Variants in TAOK1 observed in about 807,000 individuals in gnomAD.
TAOK1 encodes the protein TAO kinase 1, also known as serine/threonine-protein kinase TAO1.
TAOK1 carries 21 observed loss-of-function variants against 138.3 expected under a neutral mutation model. The observed-to-expected ratio is 0.15, with a 90% CI of 0.11 to 0.22. TAOK1 has a LOEUF of 0.22. TAOK1 is among the 10% of genes least tolerant of loss of function. TAOK1 has a pLI of 1.00. For synonymous variants in TAOK1, 361 were observed against 398.4 expected (o/e 0.91, Z 1.12); for missense variants, 651 against 1,227.7 (o/e 0.53, Z 7.02).
intron 18 of TAOK1, among the ~76,000 whole-genome samples, chr17:29,533,490 G>C (rs907816580): frequency 6.6e-6 from 1 of 151,918 alleles, no homozygotes; most frequent in African/African-American, 2.4e-5. Context: ...CAAGGCAGGC[G>C]GCTGGGAGGT....
intron 12 of TAOK1, among the ~76,000 whole-genome samples, chr17:29,499,718 C>T (rs1333526256): frequency 6.6e-6 from 1 of 151,746 alleles, no homozygotes; most frequent in Non-Finnish European, 1.5e-5. Context: ...CACCACTATG[C>T]CCAGCTAATT....
At chr17:29,496,270 T>A (rs1289248143) in intron 11 of TAOK1, among the ~76,000 whole-genome samples, 2 of 151,714 alleles carry the variant, frequency 1.3e-5, no homozygotes, top group East Asian at 3.9e-4. Context: ...CTGACTAATT[T>A]TTATTTTATT....
intron 16 of TAOK1, among the ~76,000 whole-genome samples, chr17:29,518,995 A>T (rs2031869398): frequency 1.3e-5 from 2 of 151,848 alleles, no homozygotes; most frequent in South Asian, 4.2e-4. Flanking sequence ...TCCAATTCCC[A>T]ACCTCAGGTG....
chr17:29,438,100 A>T (rs1906096132), intron 1 of TAOK1, among the ~76,000 whole-genome samples: 1 of 152,204 alleles, frequency 6.6e-6, no homozygotes, highest in African/African-American at 2.4e-5. Flanking sequence ...CCATAGGTAT[A>T]AGGGGATGGT....
chr17:29,469,105 G>A (rs767568561), intron 3 of TAOK1, among the ~76,000 whole-genome samples: 2 of 151,906 alleles, frequency 1.3e-5, no homozygotes, highest in Non-Finnish European at 2.9e-5. Context: ...AATTCTGCCT[G>A]GCACTGTGGT....
At chr17:29,407,456 A>G (rs998944004) in intron 1 of TAOK1, among the ~76,000 whole-genome samples, 9 of 151,402 alleles carry the variant, frequency 5.9e-5, no homozygotes, top group African/African-American at 2.2e-4. Context: ...TTATTTTTAT[A>G]TTTTTTTGAG....
At chr17:29,441,173 A>G (rs941676438) in intron 1 of TAOK1, among the ~76,000 whole-genome samples, 2 of 152,134 alleles carry the variant, frequency 1.3e-5, no homozygotes, top group Non-Finnish European at 2.9e-5. Flanking sequence ...TGGCTTTGGT[A>G]TCAAGGCACT....
chr17:29,496,746 C>G (rs1296846501), intron 11 of TAOK1, among the ~76,000 whole-genome samples: 1 of 148,836 alleles, frequency 6.7e-6, no homozygotes, highest in Non-Finnish European at 1.5e-5. Context: ...CCACCACGCC[C>G]AACTAATTTT....
intron 17 of TAOK1, among the ~76,000 whole-genome samples, chr17:29,525,106 G>A (rs1049786495): frequency 6.8e-6 from 1 of 147,594 alleles, no homozygotes; most frequent in African/African-American, 2.5e-5. Flanking sequence ...TGTTTTTTTT[G>A]TTTTGTTTTG....
chr17:29,430,348 A>G (rs1905785806), intron 1 of TAOK1, among the ~76,000 whole-genome samples: 1 of 152,206 alleles, frequency 6.6e-6, no homozygotes. Flanking sequence ...GGTAGCCTGC[A>G]ATCAGTCTGA....
chr17:29,414,835 A>T (rs983147707), intron 1 of TAOK1, among the ~76,000 whole-genome samples: 1 of 152,236 alleles, frequency 6.6e-6, no homozygotes, highest in Non-Finnish European at 1.5e-5. Context: ...CTAGGATTAC[A>T]GGCGTGAGCC....
At chr17:29,492,869 G>A (rs1328630708) in intron 10 of TAOK1, among the ~76,000 whole-genome samples, 3 of 152,194 alleles carry the variant, frequency 2.0e-5, no homozygotes, top group African/African-American at 4.8e-5. Flanking sequence ...GGCTGGGCAC[G>A]GTGGCCCACG....
chr17:29,437,675 A>G (rs1435046599), intron 1 of TAOK1, among the ~76,000 whole-genome samples: 2 of 150,710 alleles, frequency 1.3e-5, no homozygotes, highest in Non-Finnish European at 3.0e-5. Context: ...TTTGCATTCT[A>G]TTTCAATTCT....
chr17:29,524,093 C>T (rs1222571589), intron 17 of TAOK1, among the ~76,000 whole-genome samples: 1 of 152,112 alleles, frequency 6.6e-6, no homozygotes, highest in African/African-American at 2.4e-5. Flanking sequence ...TAAAATTTCA[C>T]CTTGCTATAT....
chr17:29,528,952 T>A (rs1021837713), intron 17 of TAOK1, among the ~76,000 whole-genome samples: 2 of 147,754 alleles, frequency 1.4e-5, no homozygotes, highest in Non-Finnish European at 3.0e-5. Flanking sequence ...GTCTCACCAA[T>A]AAAGTGCTTT....
intron 10 of TAOK1, 48 bp downstream of exon 10, chr17:29,491,913 C>A: frequency 7.1e-7 from 1 of 1,417,196 alleles, no homozygotes; most frequent in Non-Finnish European, 9.8e-7. Flanking sequence ...AAGACAAGGC[C>A]TCACTTTGTC....
At chr17:29,474,411 A>G (rs2153026342) in intron 3 of TAOK1, among the ~76,000 whole-genome samples, 1 of 152,310 alleles carries the variant, frequency 6.6e-6, no homozygotes, top group South Asian at 2.1e-4. Context: ...CTTTCTCACT[A>G]AGCTTAATCA....
At chr17:29,532,860 G>A (rs1396904272) in intron 18 of TAOK1, among the ~76,000 whole-genome samples, 1 of 151,774 alleles carries the variant, frequency 6.6e-6, no homozygotes, top group Admixed American at 6.6e-5. Context: ...GAGCTGTTGG[G>A]TACACCTCCC....
At chr17:29,437,634 G>A (rs1265832221) in intron 1 of TAOK1, among the ~76,000 whole-genome samples, 2 of 151,874 alleles carry the variant, frequency 1.3e-5, no homozygotes, top group Admixed American at 1.3e-4. Flanking sequence ...TTGGCTTTTT[G>A]AAGTAGAAAA....
Sources: gnomAD v4.1 joint callset for allele counts (sites outside exome capture counted in the v4.1 genomes callset) on GRCh38, gnomAD v4.1.1 for gene constraint, MANE v1.5 for transcripts, NCBI Gene and HGNC (gene_info 2026-07-23, HGNC 2026-07-21) for gene names.